The following PSG1 variants were observed in gnomAD, a reference collection of about 807,000 sequenced individuals.
The protein encoded by PSG1 is pregnancy-specific beta-1-glycoprotein 1.
Under a neutral mutation model 41.4 loss-of-function variants are expected in PSG1, and 60 were observed. That is an observed-to-expected ratio of 1.45 (90% CI 1.18 to 1.80). The LOEUF is 1.80. Ranked by LOEUF, PSG1 falls within the 40% of genes most tolerant of loss-of-function variation. The probability of loss-of-function intolerance (pLI) is 0.00; values close to 1 mark genes in which losing one functional copy is unlikely to be tolerated. For synonymous variants in PSG1, 256 were observed against 192.9 expected, an observed-to-expected ratio of 1.33 and a Z score of -2.71; for missense variants, 806 against 516.9, an observed-to-expected ratio of 1.56 and a Z score of -5.42.
At chr19:42,873,663 G>A (rs550741482) in intron 2 of PSG1, among the ~76,000 whole-genome samples, 1 of 151,688 alleles carries the variant, frequency 6.6e-6, no homozygotes, top group Non-Finnish European at 1.5e-5. Flanking sequence ...GATGCCAAAG[G>A]TGATTTGAAA....
In PSG1 at chr19:42,868,638, C is replaced by T. The variant is rs1193686221; in HGVS notation, c.988+118G>A. ...CCAGGGCAGGGAGTCATGGCCAGCT[C>T]CGATGTCCAGAAGTAAAGGTGTCTA... On this transcript the variant is annotated intron_variant, in intron 4 of 5. Coordinates refer to ENST00000436291, the MANE Select transcript of PSG1 (RefSeq NM_001184825.2). 1.4e-5 allele frequency: 22 copies of T among 1,548,894 alleles called. 1 individual carries two copies. The highest frequency in any genetic ancestry group is 2.3e-4 in the Middle Eastern group (1 of 4,286).
Position 42,867,138 on chromosome 19 carries a change from G to GGT in PSG1, c.1255_1256insAC (p.Pro419HisfsTer6). The GGT allele has an allele frequency of 1.3e-6, 1 of 770,492 alleles. No individual in the cohort carries two copies. Among genetic ancestry groups the GGT allele is most frequent in the East Asian group, 2.4e-5 (1 of 41,154 alleles). 47.7% of individuals were successfully genotyped at this position (770,492 alleles called of 1,614,324 possible). A position where few individuals can be genotyped will look rare whatever the true frequency, so the allele number is the denominator to read the frequency against. The stretch of plus-strand genomic sequence containing the variant: ...AATTGGAGGTACTAGTAGAATTCAG[G>GGT]GAACTGTCCAGTCTACAGGTGGATA... On this transcript the variant is annotated frameshift_variant, in exon 6 of 6. Coordinates refer to ENST00000436291, the MANE Select transcript of PSG1 (RefSeq NM_001184825.2). LOFTEE classifies it high-confidence loss of function.
At position 42,876,358 on chromosome 19, in the gene PSG1, T is replaced by A. The variant is rs577434990; in HGVS notation, c.430+1555A>T. On this transcript the variant is annotated intron_variant, in intron 2 of 5. Transcript: ENST00000436291. The stretch of plus-strand genomic sequence containing the variant: ...GAGAACCCTCCGGTGGCTTAAGAGC[T>A]TCAGAATTACATGAGGTGGGGTGGC... 1.9e-4 allele frequency among the ~76,000 whole-genome samples: 28 copies of A among 151,268 alleles called. 2 individuals carry two copies. The South Asian group carries it at 5.9e-3, about 32-fold the overall frequency.
At chr19:42,870,817 T>A (rs996059465) in intron 3 of PSG1, among the ~76,000 whole-genome samples, 1 of 151,732 alleles carries the variant, frequency 6.6e-6, no homozygotes, top group Non-Finnish European at 1.5e-5. Context: ...ATCATTTGAC[T>A]TTTTTGGTTA....
chr19:42,874,072 A>C (rs1316740754), intron 2 of PSG1: 1 of 151,522 alleles, frequency 6.6e-6, no homozygotes, highest in Non-Finnish European at 1.5e-5. Context: ...CACCTGGTCA[A>C]CTCCAACTAG....
chr19:42,871,857 C>T lies in PSG1; in HGVS notation c.619G>A (p.Val207Ile). 3 of 1,612,578 alleles carry T rather than the reference C, an allele frequency of 1.9e-6. No individual in the cohort carries two copies. The highest frequency in any genetic ancestry group is 1.7e-4 in the Middle Eastern group (1 of 6,056). ...TAGGGTCCTGCAGTATACTTTGTGA[C>T]ACCCAATAGAAAGAGGGTCCTGTTG... Reference protein sequence around the residue: ...ETNRTLFLLGVTKYTAGPYEC... With the variant: ...ETNRTLFLLGITKYTAGPYEC... The change falls in exon 3 of 6, where the codon GTC becomes ATC. Residue 207 changes from valine (V) to isoleucine (I), a missense_variant. Val to Ile is a conservative substitution (Grantham distance 29, BLOSUM62 3). Coordinates refer to ENST00000436291, the MANE Select transcript of PSG1 (RefSeq NM_001184825.2).
Position 42,879,582 on chromosome 19 carries a change from G to T in PSG1, c.-1C>A, listed in dbSNP as rs778049928. The T allele has an allele frequency of 3.7e-6, 6 of 1,610,164 alleles. No individual in the cohort carries two copies. In the South Asian group the frequency reaches 4.4e-5, roughly 12 times the overall value. ...AGGGAGGGGCTGAGAGGGTTCCCATGGTCTCTGCTGCTTGTGTGTTCTCCT... is the reference window on the plus strand; with the variant it reads ...AGGGAGGGGCTGAGAGGGTTCCCATTGTCTCTGCTGCTTGTGTGTTCTCCT... On this transcript the variant is annotated 5_prime_UTR_variant, in exon 1 of 6. Transcript: ENST00000436291.
chr19:42,873,273 T>C (rs1312677679), intron 2 of PSG1, among the ~76,000 whole-genome samples: 1 of 151,686 alleles, frequency 6.6e-6, no homozygotes, highest in Non-Finnish European at 1.5e-5. Context: ...TTGCAGTACA[T>C]GTACTGGTTT....
At chr19:42,874,381 C>T (rs1199584794) in intron 2 of PSG1, among the ~76,000 whole-genome samples, 1 of 151,352 alleles carries the variant, frequency 6.6e-6, no homozygotes, top group Non-Finnish European at 1.5e-5. Flanking sequence ...GAGTCTCGCT[C>T]TGTCACCCCG....
chr19:42,869,470 A>G, intron 3 of PSG1: 1 of 217,186 alleles, frequency 4.6e-6, no homozygotes, highest in Non-Finnish European at 9.2e-6. Flanking sequence ...GACATTCTAG[A>G]GATGAGTAAT....
rs1179208903 is a variant in PSG1, at chr19:42,870,402, C to T, written c.709+1365G>A. 1.3e-5 allele frequency: 2 copies of T among 150,924 alleles called. 1 individual carries two copies. The highest frequency in any genetic ancestry group is 4.2e-4 in the South Asian group (2 of 4,722). The allele number at this position is 150,924 out of a possible 1,614,324, so 9.3% of individuals were successfully genotyped here. ...CAAAGATATTCTTGCCCTTTTTTTT[C>T]TCTCACCACGTTTCTAGCTTGGTGA... On this transcript the variant is annotated intron_variant, in intron 3 of 5. Transcript: ENST00000436291.
intron 2 of PSG1, chr19:42,874,084 C>A (rs1349694852): frequency 5.3e-5 from 8 of 151,632 alleles, no homozygotes; most frequent in African/African-American, 1.9e-4. Context: ...TCCAACTAGT[C>A]CCCAAAACCA....
At chr19:42,877,153 G>C (rs1463582963) in intron 2 of PSG1, among the ~76,000 whole-genome samples, 1 of 151,666 alleles carries the variant, frequency 6.6e-6, no homozygotes, top group Non-Finnish European at 1.5e-5. Flanking sequence ...GCTTCCATGA[G>C]AAAGCACCTT....
At chr19:42,878,999 C>T (rs1253556682) in intron 1 of PSG1, among the ~76,000 whole-genome samples, 1 of 151,540 alleles carries the variant, frequency 6.6e-6, no homozygotes, top group Non-Finnish European at 1.5e-5. Context: ...AATATGGTGG[C>T]CCCTGATGAT....
chr19:42,867,803 A>G, intron 5 of PSG1: 1 of 1,197,934 alleles, frequency 8.3e-7, no homozygotes. Context: ...CCATTTAAAG[A>G]ATCAGCAAAT....
At chr19:42,877,242 T>C (rs571545094) in intron 2 of PSG1, among the ~76,000 whole-genome samples, 83 of 151,750 alleles carry the variant, frequency 5.5e-4, no homozygotes, top group African/African-American at 2.0e-3. Flanking sequence ...CATTAGTCTT[T>C]CTATGGACTA....
At chr19:42,878,373 A>T (rs1405597298) in intron 1 of PSG1, 95 bp from the exon 2 acceptor site, 2 of 1,467,718 alleles carry the variant, frequency 1.4e-6, no homozygotes, top group Admixed American at 2.2e-5. Flanking sequence ...TTCAGTCCTC[A>T]GCCTTGACAA....
In PSG1 at chr19:42,871,944, A is replaced by G. The variant is rs199602373; in HGVS notation, c.532T>C (p.Tyr178His). 1.2e-6 allele frequency: 2 copies of G among 1,612,456 alleles called. No homozygotes were observed. Among genetic ancestry groups the G allele is most frequent in the Admixed American group, 1.7e-5 (1 of 59,878 alleles). The change falls in exon 3 of 6, where the codon TAC becomes CAC. Residue 178 changes from tyrosine to histidine, a missense_variant. Transcript: ENST00000436291. ...CTCTGACCATTCATCCACCACAGGT[A>G]GCTTGCGTCTGGAGTCTCAGGGTCA... Reference protein sequence around the residue: ...TCDPETPDASYLWWMNGQSLP... With the variant: ...TCDPETPDASHLWWMNGQSLP...
chr19:42,873,235 G>T (rs970670945), intron 2 of PSG1, among the ~76,000 whole-genome samples: 1 of 151,634 alleles, frequency 6.6e-6, no homozygotes, highest in Non-Finnish European at 1.5e-5. Flanking sequence ...TGTTTTGGAT[G>T]TCTAATTATT....
Sources: allele counts gnomAD v4.1 joint callset (sites outside exome capture counted in the v4.1 genomes callset), GRCh38; gene constraint gnomAD v4.1.1; transcripts MANE v1.5; gene names NCBI Gene and HGNC (gene_info 2026-07-23, HGNC 2026-07-21).